Variants in MED27 observed in about 807,000 individuals in gnomAD.
MED27 encodes the protein mediator complex subunit 27, also known as mediator of RNA polymerase II transcription subunit 27.
A neutral mutation model predicts 38.2 loss-of-function variants in MED27; 30 were observed. The ratio of observed to expected loss-of-function variants is 0.79; its 90% CI spans 0.59 to 1.07. The LOEUF is 1.07. Among genes scored for constraint, MED27 ranks in the 50% least tolerant of loss-of-function variants. The pLI, the probability that MED27 is intolerant of heterozygous loss-of-function variation, is 0.00. For synonymous variants in MED27, 122 were observed against 153.5 expected, an observed-to-expected ratio of 0.79 and a Z score of 1.52; for missense variants, 289 against 397.5, an observed-to-expected ratio of 0.73 and a Z score of 2.32.
intron 3 of MED27, among the ~76,000 whole-genome samples, chr9:131,948,923 A>G (rs1830935581): frequency 6.6e-6 from 1 of 152,184 alleles, no homozygotes; most frequent in Non-Finnish European, 1.5e-5. Context: ...CAAGCAAATA[A>G]AAGCTACCCC....
intron 3 of MED27, among the ~76,000 whole-genome samples, chr9:131,953,319 G>T (rs1396487468): frequency 6.6e-6 from 1 of 152,148 alleles, no homozygotes; most frequent in East Asian, 1.9e-4. Context: ...TCCTTCTCAG[G>T]CCACTGCAAA....
intron 3 of MED27, among the ~76,000 whole-genome samples, chr9:131,996,477 T>C (rs1832093228): frequency 6.6e-6 from 1 of 152,132 alleles, no homozygotes; most frequent in Non-Finnish European, 1.5e-5. Flanking sequence ...CTATAGTTGA[T>C]CTTGATCCCA....
chr9:131,929,238 G>T (rs1453502736), intron 4 of MED27, among the ~76,000 whole-genome samples: 1 of 152,212 alleles, frequency 6.6e-6, no homozygotes, highest in East Asian at 1.9e-4. Flanking sequence ...TATGCCGTGG[G>T]CCTTGGGTGA....
intron 4 of MED27, 54 bp from the exon 5 acceptor site, chr9:131,894,046 G>T: frequency 7.0e-7 from 1 of 1,433,032 alleles, no homozygotes; most frequent in Non-Finnish European, 9.8e-7. Context: ...ACAAAGTTGG[G>T]CAGGGGTGTG....
At chr9:132,027,969 C>T (rs1359334354) in intron 2 of MED27, among the ~76,000 whole-genome samples, 4 of 152,196 alleles carry the variant, frequency 2.6e-5, no homozygotes, top group African/African-American at 2.4e-5. Context: ...TGGCAGTCAC[C>T]GGCCTAGGTG....
chr9:132,004,173 T>A (rs1355033730), intron 3 of MED27, among the ~76,000 whole-genome samples: 2 of 152,190 alleles, frequency 1.3e-5, no homozygotes, highest in African/African-American at 2.4e-5. Flanking sequence ...GGCTACAGAT[T>A]TCAGTCTGTG....
intron 3 of MED27, among the ~76,000 whole-genome samples, chr9:131,988,091 G>A (rs1831892228): frequency 6.6e-6 from 1 of 152,230 alleles, no homozygotes; most frequent in Admixed American, 6.5e-5. Context: ...CAGTCAATAA[G>A]TAAAATCATG....
chr9:132,072,924 A>C (rs1833973114), intron 2 of MED27, among the ~76,000 whole-genome samples: 1 of 151,840 alleles, frequency 6.6e-6, no homozygotes, highest in South Asian at 2.1e-4. Flanking sequence ...AAGTAGGATA[A>C]CCCTAAGAGG....
intron 3 of MED27, among the ~76,000 whole-genome samples, chr9:131,960,320 C>T (rs1221257339): frequency 9.9e-5 from 15 of 152,112 alleles, no homozygotes; most frequent in Admixed American, 9.8e-4. Flanking sequence ...TCGTATCAAT[C>T]ACTCCGTTTA....
rs571620924 is a variant in MED27 at position 131,974,446 on chromosome 9, C to T, written c.480-34972G>A. On this transcript the variant is annotated intron_variant, in intron 3 of 7. Transcript: ENST00000292035. Reference sequence around the variant, plus strand: ...CACACAGTTCTGTTAGTAGACTGAACTTTTAATGATCCCAGGACACTGGGG... The same window carrying T: ...CACACAGTTCTGTTAGTAGACTGAATTTTTAATGATCCCAGGACACTGGGG... Among the ~76,000 whole-genome samples the T allele has an allele frequency of 2.0e-5, 3 of 152,310 alleles. No individual in the cohort carries two copies. In the East Asian group the frequency reaches 5.8e-4, roughly 29 times the overall value.
chr9:131,973,382 G>A (rs1313795803), intron 3 of MED27, among the ~76,000 whole-genome samples: 1 of 152,096 alleles, frequency 6.6e-6, no homozygotes, highest in Non-Finnish European at 1.5e-5. Context: ...TGACCATTCT[G>A]GCCAATGAGA....
chr9:132,075,857 C>T (rs147385276), intron 2 of MED27, among the ~76,000 whole-genome samples: 22 of 152,318 alleles, frequency 1.4e-4, no homozygotes, highest in African/African-American at 4.8e-4. Flanking sequence ...CAACAGACAT[C>T]TGTGATTTCT....
rs535688565 is a variant in MED27 at position 132,065,939 on chromosome 9, G to A, written c.348+11503C>T. 4.6e-5 allele frequency among the ~76,000 whole-genome samples: 7 copies of A among 152,352 alleles called. 1 individual carries two copies. The highest frequency in any genetic ancestry group is 2.1e-4 in the South Asian group (1 of 4,832). ...GTCCCCGTTAGAGGGCTAGCAGCAT[G>A]GCCTTGGACAAGTCACTCTCTATCA... is the stretch of plus-strand genomic sequence containing the variant. On this transcript the variant is annotated intron_variant, in intron 2 of 7. Coordinates refer to ENST00000292035, the MANE Select transcript of MED27 (RefSeq NM_004269.4).
chr9:132,049,339 T>C (rs574537724), intron 2 of MED27, among the ~76,000 whole-genome samples: 1 of 152,310 alleles, frequency 6.6e-6, no homozygotes, highest in Middle Eastern at 3.4e-3. Context: ...GGAGAGAAGA[T>C]ACTGGTAATC....
chr9:131,965,712 G>A (rs929125354), intron 3 of MED27, among the ~76,000 whole-genome samples: 3 of 151,928 alleles, frequency 2.0e-5, no homozygotes, highest in African/African-American at 4.8e-5. Context: ...TTAAAGTCCT[G>A]GGATACCTTA....
chr9:132,055,681 A>C lies in MED27; in HGVS notation c.348+21761T>G, dbSNP rs192142654. On this transcript the variant is annotated intron_variant, in intron 2 of 7. Coordinates refer to ENST00000292035, the MANE Select transcript of MED27 (RefSeq NM_004269.4). ...TAGGACAGGTAAAGCATCTGGACTA[A>C]TATCAGTATTGAGAGGACTCCCCAT... Among the ~76,000 whole-genome samples, 138 of 152,360 alleles carry C rather than the reference A, an allele frequency of 9.1e-4. 1 individual carries two copies. The highest frequency in any genetic ancestry group is 5.0e-4 in the Non-Finnish European group (34 of 68,032).
At chr9:132,011,334 A>G (rs1291401035) in intron 3 of MED27, among the ~76,000 whole-genome samples, 1 of 152,196 alleles carries the variant, frequency 6.6e-6, no homozygotes, top group Admixed American at 6.5e-5. Context: ...TCAGATAACA[A>G]AAACATTATT....
chr9:131,941,935 C>A (rs1017784421), intron 3 of MED27, among the ~76,000 whole-genome samples: 8 of 148,840 alleles, frequency 5.4e-5, no homozygotes, highest in Non-Finnish European at 8.9e-5. Context: ...ACACCATTCT[C>A]CTGCCTCAGC....
intron 3 of MED27, among the ~76,000 whole-genome samples, chr9:132,002,065 T>C (rs1832247713): frequency 6.6e-6 from 1 of 152,210 alleles, no homozygotes. Flanking sequence ...CAGCCCATTA[T>C]AGTCTACTAC....
Sources: allele counts gnomAD v4.1 joint callset (sites outside exome capture counted in the v4.1 genomes callset), GRCh38; gene constraint gnomAD v4.1.1; transcripts MANE v1.5; gene names NCBI Gene and HGNC (gene_info 2026-07-23, HGNC 2026-07-21).